PCDH15: variants seen among roughly 807,000 people sequenced by gnomAD.
The protein encoded by PCDH15 is protocadherin-15.
In PCDH15, 129 loss-of-function variants were observed where a neutral mutation model predicts 178.5. That is an observed-to-expected ratio of 0.72 (90% CI 0.63 to 0.84). The LOEUF (loss-of-function observed/expected upper bound fraction) is 0.84. Among genes scored for constraint, PCDH15 ranks in the 40% least tolerant of loss-of-function variants. PCDH15 has a pLI of 0.00. For missense variants in PCDH15, 2,230 were observed against 2,099.9 expected, an observed-to-expected ratio of 1.06 and a Z score of -1.21; for synonymous variants, 800 against 732.0, an observed-to-expected ratio of 1.09 and a Z score of -1.50.
chr10:55,152,661 G>C (rs982992833), intron 2 of PCDH15, among the ~76,000 whole-genome samples: 9 of 152,258 alleles, frequency 5.9e-5, no homozygotes, highest in Admixed American at 3.3e-4. Context: ...ATTCTAATGA[G>C]AGATGATGAG....
At chr10:54,434,550 A>G (rs1177383083) in intron 3 of PCDH15, among the ~76,000 whole-genome samples, 1 of 152,208 alleles carries the variant, frequency 6.6e-6, no homozygotes, top group Non-Finnish European at 1.5e-5. Context: ...AGCCTAGGAG[A>G]AATAAGCTAT....
chr10:55,061,472 C>T (rs943883373), intron 2 of PCDH15, among the ~76,000 whole-genome samples: 5 of 152,132 alleles, frequency 3.3e-5, no homozygotes, highest in Non-Finnish European at 5.9e-5. Flanking sequence ...AATGTTATAG[C>T]CACTTTAGAA....
At chr10:54,920,685 G>T (rs189094984) in intron 2 of PCDH15, among the ~76,000 whole-genome samples, 2 of 152,188 alleles carry the variant, frequency 1.3e-5, no homozygotes, top group East Asian at 3.9e-4. Context: ...TAACAAGTGT[G>T]AATTGAGAAT....
chr10:55,277,805 CTA>C lies in PCDH15; in HGVS notation c.-156+41792_-156+41793del, dbSNP rs1842632507. Among the ~76,000 whole-genome samples, 3 of 152,070 alleles carry C rather than the reference CTA, an allele frequency of 2.0e-5. No homozygotes were observed. The South Asian group carries it at 6.2e-4, about 32-fold the overall frequency. Reference sequence around the variant, plus strand: ...AGGAAAGCTATCATGGTCTCAAACTCTATAAGTGTTTGAGACTCCGCCTCATA... The same window carrying C: ...AGGAAAGCTATCATGGTCTCAAACTCTAAGTGTTTGAGACTCCGCCTCATA... On this transcript the variant is annotated intron_variant, in intron 1 of 5. Transcript: ENST00000458638.
intron 24 of PCDH15, 126 bp from the exon 25 acceptor site, chr10:53,939,081 A>G: frequency 1.1e-6 from 1 of 911,334 alleles, no homozygotes; most frequent in Non-Finnish European, 1.7e-6. Flanking sequence ...GATGCATGAA[A>G]GTGACAAAAT....
intron 3 of PCDH15, among the ~76,000 whole-genome samples, chr10:54,524,897 G>T (rs1277734122): frequency 1.3e-5 from 2 of 152,144 alleles, no homozygotes; most frequent in African/African-American, 4.8e-5. Context: ...CTGTCATTAA[G>T]GTGCTGTTGA....
At chr10:54,492,168 A>T (rs2079654926) in intron 3 of PCDH15, among the ~76,000 whole-genome samples, 1 of 152,182 alleles carries the variant, frequency 6.6e-6, no homozygotes, top group African/African-American at 2.4e-5. Flanking sequence ...AAATGTCAGT[A>T]TCATACATGG....
At chr10:53,864,600 A>G (rs944989127) in intron 27 of PCDH15, among the ~76,000 whole-genome samples, 1 of 151,994 alleles carries the variant, frequency 6.6e-6, no homozygotes, top group African/African-American at 2.4e-5. Context: ...GGGACCTCAA[A>G]AGGAGTATTA....
chr10:54,921,287 T>C (rs1837480013), intron 2 of PCDH15, among the ~76,000 whole-genome samples: 1 of 152,116 alleles, frequency 6.6e-6, no homozygotes, highest in South Asian at 2.1e-4. Flanking sequence ...CCTCAATATA[T>C]ACCCTCACGA....
intron 25 of PCDH15, among the ~76,000 whole-genome samples, chr10:53,913,097 T>C (rs1468212889): frequency 6.6e-6 from 1 of 152,046 alleles, no homozygotes; most frequent in South Asian, 2.1e-4. Context: ...AACAGAGATA[T>C]AGACCAATGG....
chr10:54,472,195 G>A (rs998544314), intron 3 of PCDH15, among the ~76,000 whole-genome samples: 4 of 151,066 alleles, frequency 2.6e-5, no homozygotes, highest in Admixed American at 1.3e-4. Flanking sequence ...TTGTTCTGCT[G>A]CAAAAAATGT....
intron 2 of PCDH15, among the ~76,000 whole-genome samples, chr10:54,910,748 A>C (rs1453545559): frequency 2.0e-5 from 3 of 152,208 alleles, no homozygotes; most frequent in Admixed American, 6.5e-5. Context: ...TTAAATTTTC[A>C]TTCAGAAAAT....
intron 2 of PCDH15, among the ~76,000 whole-genome samples, chr10:55,548,803 CTT>C (rs1324683423): frequency 3.3e-5 from 5 of 151,792 alleles, no homozygotes; most frequent in African/African-American, 7.3e-5. Flanking sequence ...ACTGTGAAGT[CTT>C]TGAATAAGAA....
chr10:54,183,422 C>T lies in PCDH15; in HGVS notation c.1590+22G>A, dbSNP rs749453038. 21 of 1,591,028 alleles carry T rather than the reference C, an allele frequency of 1.3e-5. No homozygotes were observed. In the African/African-American group the frequency reaches 2.2e-4, roughly 16 times the overall value. On this transcript the variant is annotated intron_variant, in intron 13 of 37. Coordinates refer to ENST00000644397, the MANE Select transcript of PCDH15 (RefSeq NM_001384140.1). ...TGTAAATAACAGCTTTGAGTGTACACTTATATTATGTGAGTAGTTACCTGT... is the reference window on the plus strand; with the variant it reads ...TGTAAATAACAGCTTTGAGTGTACATTTATATTATGTGAGTAGTTACCTGT...
chr10:55,227,834 A>G (rs1841095912), intron 1 of PCDH15, among the ~76,000 whole-genome samples: 1 of 152,116 alleles, frequency 6.6e-6, no homozygotes, highest in Non-Finnish European at 1.5e-5. Context: ...ATGTTTGTCG[A>G]AGAGAAGGAG....
intron 2 of PCDH15, among the ~76,000 whole-genome samples, chr10:55,115,746 T>C (rs573761178): frequency 1.1e-3 from 163 of 152,312 alleles, no homozygotes; most frequent in Middle Eastern, 3.4e-3. Flanking sequence ...ATAACAGGAA[T>C]TTTAGCTCCT....
intron 3 of PCDH15, among the ~76,000 whole-genome samples, chr10:54,883,835 C>A (rs1402136039): frequency 1.3e-5 from 2 of 151,948 alleles, no homozygotes; most frequent in African/African-American, 4.8e-5. Context: ...TTCATATTCA[C>A]AAATTCTAAA....
intron 3 of PCDH15, among the ~76,000 whole-genome samples, chr10:54,853,287 G>GTA (rs372294767): frequency 0.21 from 11,713 of 56,320 alleles, 754 homozygotes; most frequent in East Asian, 0.46. Context: ...GTATGTATGT[G>GTA]TGTATATATA....
chr10:54,740,722 C>T (rs1235750758), intron 1 of PCDH15, among the ~76,000 whole-genome samples: 1 of 151,928 alleles, frequency 6.6e-6, no homozygotes, highest in Non-Finnish European at 1.5e-5. Context: ...TTTGCAGCAA[C>T]ATGGATAGAA....
Sources: gnomAD v4.1 joint callset for allele counts (sites outside exome capture counted in the v4.1 genomes callset) on GRCh38, gnomAD v4.1.1 for gene constraint, MANE v1.5 for transcripts, NCBI Gene and HGNC (gene_info 2026-07-23, HGNC 2026-07-21) for gene names.